VAMP4: variants seen among roughly 807,000 people sequenced by gnomAD.
The protein encoded by VAMP4 is vesicle-associated membrane protein 4.
VAMP4 carries 19 observed loss-of-function variants against 23.5 expected under a neutral mutation model. That is an observed-to-expected ratio of 0.81 (90% CI 0.56 to 1.19). The LOEUF is 1.19. Ranked by LOEUF, VAMP4 falls within the 50% of genes most tolerant of loss-of-function variation. VAMP4 has a pLI of 0.00. For synonymous variants in VAMP4, 31 were observed against 51.0 expected (o/e 0.61, Z 1.67); for missense variants, 145 against 168.6 (o/e 0.86, Z 0.78).
rs1330620854 is a variant in VAMP4, at chr1:171,703,425, G to GTGTGTGTGTGTGTA, written c.*1080_*1081insTACACACACACACA. The GTGTGTGTGTGTGTA allele has an allele frequency of 1.2e-5, 1 of 80,674 alleles. No individual in the cohort carries two copies. Among genetic ancestry groups the GTGTGTGTGTGTGTA allele is most frequent in the African/African-American group, 4.8e-5 (1 of 20,922 alleles). 5.0% of individuals were successfully genotyped at this position (80,674 alleles called of 1,614,324 possible). On this transcript the variant is annotated 3_prime_UTR_variant, in exon 8 of 8. Coordinates refer to ENST00000236192, the MANE Select transcript of VAMP4 (RefSeq NM_003762.5). ...TGTGTGTGTGTGTGTGTGTTTGTGT[G>GTGTGTGTGTGTGTA]TATATATATATATATATATATATAT...
rs1043145291 is a variant in VAMP4 at position 171,703,852 on chromosome 1, T to G, written c.*654A>C. 1 of 152,294 alleles carries G rather than the reference T, an allele frequency of 6.6e-6. No homozygotes were observed. 9.4% of individuals were successfully genotyped at this position (152,294 alleles called of 1,614,324 possible). ...TCCAGTTTTATGATGCCATACCATGTTTTTTCACACTGTTTAAAAATTTCC... is the reference window on the plus strand; with the variant it reads ...TCCAGTTTTATGATGCCATACCATGGTTTTTCACACTGTTTAAAAATTTCC... On this transcript the variant is annotated 3_prime_UTR_variant, in exon 8 of 8. Coordinates refer to ENST00000236192, the MANE Select transcript of VAMP4 (RefSeq NM_003762.5).
Position 171,706,353 on chromosome 1 carries a change from CAATA to C in VAMP4, c.397+10_397+13del. On this transcript the variant is annotated intron_variant, in intron 7 of 7. Coordinates refer to ENST00000236192, the MANE Select transcript of VAMP4 (RefSeq NM_003762.5). ...AATGATACCCTAGGAAGTAATAATC[CAATA>C]AATACTTACTGATAATCACTAGCAA... is the stretch of plus-strand genomic sequence containing the variant. 4 of 1,597,352 alleles carry C rather than the reference CAATA, an allele frequency of 2.5e-6. No homozygotes were observed. Among genetic ancestry groups the C allele is most frequent in the Non-Finnish European group, 3.4e-6 (4 of 1,172,296 alleles).
At chr1:171,709,779 C>T (rs370923536) in intron 5 of VAMP4, 35 bp from the exon 6 acceptor site, 67 of 1,515,074 alleles carry the variant, frequency 4.4e-5, no homozygotes, top group Middle Eastern at 1.7e-4. Flanking sequence ...AAGGATTAAA[C>T]GACATAACAG....
intron 4 of VAMP4, among the ~76,000 whole-genome samples, chr1:171,713,832 GA>G (rs201108194): frequency 1.3e-5 from 2 of 151,356 alleles, no homozygotes; most frequent in African/African-American, 4.9e-5. Flanking sequence ...TGTCTCAAAG[GA>G]AAAAAAACAT....
At chr1:171,709,595 T>G in intron 6 of VAMP4, 70 bp downstream of exon 6, 1 of 1,487,218 alleles carries the variant, frequency 6.7e-7, no homozygotes, top group African/African-American at 1.4e-5. Flanking sequence ...TAGAGGCCCT[T>G]TTTTCTTCAT....
At chr1:171,721,111 T>C (rs1052032821) in intron 3 of VAMP4, among the ~76,000 whole-genome samples, 1 of 152,030 alleles carries the variant, frequency 6.6e-6, no homozygotes, top group Non-Finnish European at 1.5e-5. Flanking sequence ...CAGCTAATGA[T>C]AAAAACTCTT....
At position 171,742,044 on chromosome 1, in the gene VAMP4, C is replaced by G. The variant is rs1314425798; in HGVS notation, c.-184G>C. 6.6e-6 allele frequency: 1 copy of G among 152,230 alleles called. No individual in the cohort carries two copies. Among genetic ancestry groups the G allele is most frequent in the African/African-American group, 2.4e-5 (1 of 41,402 alleles). The allele number at this position is 152,230 out of a possible 1,614,324, so 9.4% of individuals were successfully genotyped here. On this transcript the variant is annotated 5_prime_UTR_variant, in exon 1 of 8. Coordinates refer to ENST00000236192, the MANE Select transcript of VAMP4 (RefSeq NM_003762.5). ...GCGGACCCGGCGTCGGCCGCAGCGC[C>G]GCAGCAGCGCCTCCGCTCATCGAGC...
At chr1:171,734,541 ACT>A (rs1558115405) in intron 2 of VAMP4, among the ~76,000 whole-genome samples, 2 of 152,120 alleles carry the variant, frequency 1.3e-5, no homozygotes. Context: ...TTGTTGCACA[ACT>A]CTGTGAATAT....
intron 4 of VAMP4, among the ~76,000 whole-genome samples, chr1:171,711,984 T>G (rs1358878642): frequency 6.6e-6 from 1 of 152,156 alleles, no homozygotes; most frequent in Non-Finnish European, 1.5e-5. Context: ...TCACATGCTG[T>G]ACGGGTTTGT....
At chr1:171,733,894 GTA>G (rs756059049) in intron 2 of VAMP4, among the ~76,000 whole-genome samples, 46 of 152,108 alleles carry the variant, frequency 3.0e-4, no homozygotes, top group Admixed American at 1.0e-3. Context: ...CATAGCAGTA[GTA>G]TTTAAAATAG....
chr1:171,705,753 C>T (rs887831989), intron 7 of VAMP4, among the ~76,000 whole-genome samples: 5 of 151,844 alleles, frequency 3.3e-5, no homozygotes, highest in Non-Finnish European at 5.9e-5. Context: ...CTTTCCAAAG[C>T]GTCATAAAAC....
chr1:171,716,996 T>C (rs1655040341), intron 4 of VAMP4, among the ~76,000 whole-genome samples: 2 of 152,236 alleles, frequency 1.3e-5, no homozygotes, highest in Non-Finnish European at 2.9e-5. Context: ...ATATTAATAG[T>C]GTAATACATA....
Position 171,703,425 on chromosome 1 carries a change from G to GTGTGTGTGTGTA in VAMP4, c.*1080_*1081insTACACACACACA, listed in dbSNP as rs1330620854. ...TGTGTGTGTGTGTGTGTGTTTGTGT[G>GTGTGTGTGTGTA]TATATATATATATATATATATATAT... On this transcript the variant is annotated 3_prime_UTR_variant, in exon 8 of 8. Coordinates refer to ENST00000236192, the MANE Select transcript of VAMP4 (RefSeq NM_003762.5). The GTGTGTGTGTGTA allele has an allele frequency of 2.5e-5, 2 of 80,674 alleles. No homozygotes were observed. Among genetic ancestry groups the GTGTGTGTGTGTA allele is most frequent in the African/African-American group, 4.8e-5 (1 of 20,922 alleles). The allele number at this position is 80,674 out of a possible 1,614,324, so 5.0% of individuals were successfully genotyped here. A position where few individuals can be genotyped will look rare whatever the true frequency, so the allele number is the denominator to read the frequency against.
chr1:171,725,617 T>C (rs1655337603), intron 3 of VAMP4, among the ~76,000 whole-genome samples: 1 of 152,170 alleles, frequency 6.6e-6, no homozygotes, highest in South Asian at 2.1e-4. Flanking sequence ...CTGCCAAAAA[T>C]GATACTATTT....
At chr1:171,707,032 C>A (rs1478747380) in intron 6 of VAMP4, among the ~76,000 whole-genome samples, 1 of 152,100 alleles carries the variant, frequency 6.6e-6, no homozygotes, top group Admixed American at 6.6e-5. Flanking sequence ...TAAAACACCT[C>A]AATGAATAGA....
chr1:171,712,702 C>T (rs538515281), intron 4 of VAMP4, among the ~76,000 whole-genome samples: 2 of 152,274 alleles, frequency 1.3e-5, no homozygotes, highest in Middle Eastern at 3.4e-3. Flanking sequence ...TGTTGCAACT[C>T]CTAATCCCCT....
chr1:171,733,963 T>C (rs187320711), intron 2 of VAMP4, among the ~76,000 whole-genome samples: 187 of 152,172 alleles, frequency 1.2e-3, no homozygotes, highest in African/African-American at 4.3e-3. Context: ...AAACCAAATG[T>C]GTTATATCAA....
Position 171,738,439 on chromosome 1 carries a change from T to C in VAMP4, c.-25A>G. 6.2e-7 allele frequency: 1 copy of C among 1,612,170 alleles called. No homozygotes were observed. Among genetic ancestry groups the C allele is most frequent in the Non-Finnish European group, 8.5e-7 (1 of 1,178,358 alleles). Reference sequence around the variant, plus strand: ...TATTTTTTACTTGCAAAGTATCTTTTGCTTCTCAACAGGATAGTCACCACC... The same window carrying C: ...TATTTTTTACTTGCAAAGTATCTTTCGCTTCTCAACAGGATAGTCACCACC... On this transcript the variant is annotated 5_prime_UTR_variant, in exon 2 of 8. Coordinates refer to ENST00000236192, the MANE Select transcript of VAMP4 (RefSeq NM_003762.5).
At chr1:171,706,101 C>T (rs532787159) in intron 7 of VAMP4, among the ~76,000 whole-genome samples, 1 of 151,906 alleles carries the variant, frequency 6.6e-6, no homozygotes, top group Non-Finnish European at 1.5e-5. Flanking sequence ...GGGTTGGGGG[C>T]AGAACAGGAG....
Sources: gnomAD v4.1 joint callset for allele counts (sites outside exome capture counted in the v4.1 genomes callset) on GRCh38, gnomAD v4.1.1 for gene constraint, MANE v1.5 for transcripts, NCBI Gene and HGNC (gene_info 2026-07-23, HGNC 2026-07-21) for gene names.